ATG5: variants seen among roughly 807,000 people sequenced by gnomAD.
ATG5 encodes the protein autophagy protein 5.
A neutral mutation model predicts 36.5 loss-of-function variants in ATG5; 14 were observed. That is an observed-to-expected ratio of 0.38 (90% CI 0.25 to 0.60). The LOEUF (loss-of-function observed/expected upper bound fraction) is 0.60, where lower values mean the gene tolerates loss of function less well. ATG5 is among the 20% of genes least tolerant of loss of function. The pLI is 0.60. For missense variants in ATG5, 195 were observed against 326.7 expected, an observed-to-expected ratio of 0.60 and a Z score of 3.11; for synonymous variants, 95 against 101.5, an observed-to-expected ratio of 0.94 and a Z score of 0.38.
chr6:106,208,829 T>TA (rs976092868), intron 6 of ATG5, among the ~76,000 whole-genome samples: 4 of 152,160 alleles, frequency 2.6e-5, no homozygotes, highest in African/African-American at 4.8e-5. Flanking sequence ...CAACAGTTTT[T>TA]AAAAAAAGCA....
intron 6 of ATG5, among the ~76,000 whole-genome samples, chr6:106,244,840 T>C (rs1778267472): frequency 6.6e-6 from 1 of 152,228 alleles, no homozygotes; most frequent in South Asian, 2.1e-4. Flanking sequence ...CAAAGTATAA[T>C]GGCAGGATAA....
chr6:106,251,642 AGAGAGGGAGG>A (rs1778580987), intron 5 of ATG5, among the ~76,000 whole-genome samples: 1 of 260 alleles, frequency 3.8e-3, no homozygotes. Flanking sequence ...TCAGAGAGAG[AGAGAGGGAGG>A]GAGGGAGGAA....
intron 6 of ATG5, among the ~76,000 whole-genome samples, chr6:106,220,445 T>C (rs1289293505): frequency 6.6e-6 from 1 of 152,182 alleles, no homozygotes; most frequent in African/African-American, 2.4e-5. Flanking sequence ...TATACTTCAT[T>C]AATGAGTATG....
intron 3 of ATG5, among the ~76,000 whole-genome samples, chr6:106,297,030 C>G (rs1235362061): frequency 6.6e-6 from 1 of 152,166 alleles, no homozygotes; most frequent in East Asian, 1.9e-4. Flanking sequence ...TGAAATTGAT[C>G]ATTTAAGTGA....
At chr6:106,321,514 G>A (rs1181600916) in intron 1 of ATG5, among the ~76,000 whole-genome samples, 1 of 151,790 alleles carries the variant, frequency 6.6e-6, no homozygotes, top group Non-Finnish European at 1.5e-5. Flanking sequence ...GCCCGCCACC[G>A]CGCCAAGCTA....
At chr6:106,230,117 A>G (rs1041110546) in intron 6 of ATG5, among the ~76,000 whole-genome samples, 2 of 152,204 alleles carry the variant, frequency 1.3e-5, no homozygotes, top group African/African-American at 4.8e-5. Context: ...AAAAACCACA[A>G]TGGGTATTCA....
chr6:106,322,282 T>C (rs1408752996), intron 1 of ATG5, among the ~76,000 whole-genome samples: 2 of 152,212 alleles, frequency 1.3e-5, no homozygotes, highest in East Asian at 3.8e-4. Flanking sequence ...TAATGCATAA[T>C]AGTTTCTTTC....
intron 6 of ATG5, among the ~76,000 whole-genome samples, chr6:106,206,455 C>A (rs1049574018): frequency 3.3e-5 from 5 of 152,074 alleles, no homozygotes; most frequent in Admixed American, 6.5e-5. Flanking sequence ...TCAAGACCAG[C>A]CTGGCCAATA....
At chr6:106,295,550 T>C (rs996120026) in intron 3 of ATG5, among the ~76,000 whole-genome samples, 14 of 151,742 alleles carry the variant, frequency 9.2e-5, no homozygotes, top group Admixed American at 4.6e-4. Flanking sequence ...CAATCTATAA[T>C]ATAAAATCAA....
chr6:106,213,362 T>A (rs1421743805), intron 6 of ATG5, among the ~76,000 whole-genome samples: 2 of 152,208 alleles, frequency 1.3e-5, no homozygotes, highest in African/African-American at 4.8e-5. Context: ...AAAACAATCC[T>A]AACTGGTTAA....
intron 5 of ATG5, among the ~76,000 whole-genome samples, chr6:106,253,290 G>A (rs1778670536): frequency 6.6e-6 from 1 of 152,180 alleles, no homozygotes; most frequent in Non-Finnish European, 1.5e-5. Flanking sequence ...CACAGAAGTA[G>A]GTGGGCCCAG....
chr6:106,204,903 T>G (rs1392249295), intron 6 of ATG5, among the ~76,000 whole-genome samples: 2 of 152,200 alleles, frequency 1.3e-5, no homozygotes, highest in African/African-American at 4.8e-5. Flanking sequence ...CTCATACAAG[T>G]TGAAACCAAG....
chr6:106,247,141 T>C (rs1778372693), intron 6 of ATG5, among the ~76,000 whole-genome samples: 1 of 152,188 alleles, frequency 6.6e-6, no homozygotes, highest in Admixed American at 6.5e-5. Flanking sequence ...GAAGGAACTA[T>C]TGGTAAAGAC....
chr6:106,224,955 T>A (rs1254703575), intron 6 of ATG5, among the ~76,000 whole-genome samples: 1 of 152,180 alleles, frequency 6.6e-6, no homozygotes, highest in Non-Finnish European at 1.5e-5. Flanking sequence ...TCACCAGATA[T>A]GTTCCACTGG....
At chr6:106,290,076 G>A (rs1780241110) in intron 4 of ATG5, among the ~76,000 whole-genome samples, 2 of 151,694 alleles carry the variant, frequency 1.3e-5, no homozygotes, top group South Asian at 4.1e-4. Context: ...AGGATAGAGT[G>A]CAATCACTGT....
intron 6 of ATG5, among the ~76,000 whole-genome samples, chr6:106,206,900 T>C (rs893097465): frequency 3.3e-5 from 5 of 152,138 alleles, no homozygotes; most frequent in Middle Eastern, 3.4e-3. Context: ...TCTCCACAAA[T>C]AGGAATGCTG....
At chr6:106,305,146 A>AT (rs1245634452) in intron 3 of ATG5, among the ~76,000 whole-genome samples, 9 of 152,016 alleles carry the variant, frequency 5.9e-5, no homozygotes, top group African/African-American at 2.2e-4. Context: ...GCTTGGGATT[A>AT]TTTTTCCCTT....
chr6:106,231,026 G>C (rs998612710), intron 6 of ATG5, among the ~76,000 whole-genome samples: 1 of 151,798 alleles, frequency 6.6e-6, no homozygotes, highest in East Asian at 1.9e-4. Flanking sequence ...AAATAATAAG[G>C]ACCCCCCTTC....
intron 7 of ATG5, among the ~76,000 whole-genome samples, chr6:106,198,051 C>T (rs1310339394): frequency 6.6e-6 from 1 of 152,056 alleles, no homozygotes; most frequent in Admixed American, 6.6e-5. Context: ...ATCTATATTC[C>T]AAAATCCTCA....
Sources: gnomAD v4.1 joint callset for allele counts (sites outside exome capture counted in the v4.1 genomes callset) on GRCh38, gnomAD v4.1.1 for gene constraint, MANE v1.5 for transcripts, NCBI Gene and HGNC (gene_info 2026-07-23, HGNC 2026-07-21) for gene names.